Variants in STAT5B observed in about 807,000 individuals in gnomAD.
STAT5B encodes the protein transcription factor STAT5B.
STAT5B carries 21 observed loss-of-function variants against 107.8 expected under a neutral mutation model. The observed-to-expected ratio is 0.19, with a 90% CI of 0.14 to 0.28. The LOEUF is 0.28. Among genes scored for constraint, STAT5B ranks in the 10% least tolerant of loss-of-function variants. STAT5B has a pLI of 1.00. For missense variants in STAT5B, 565 were observed against 1,008.2 expected, an observed-to-expected ratio of 0.56 and a Z score of 5.95; for synonymous variants, 325 against 401.7, an observed-to-expected ratio of 0.81 and a Z score of 2.28.
rs60439745 is a variant in STAT5B at position 42,238,095 on chromosome 17, TATCCATCCATCCATCCATCCATCCATCC to T, written c.-10-5986_-10-5959del. Among the ~76,000 whole-genome samples, 12 of 141,102 alleles carry T rather than the reference TATCCATCCATCCATCCATCCATCCATCC, an allele frequency of 8.5e-5. No homozygotes were observed. In the East Asian group the frequency reaches 1.2e-3, roughly 15 times the overall value. 92.6% of individuals were successfully genotyped at this position (141,102 alleles called of 152,430 possible). A position where few individuals can be genotyped will look rare whatever the true frequency, so the allele number is the denominator to read the frequency against. ...CAATATCCTCCAGTATAAACTTTTC[TATCCATCCATCCATCCATCCATCCATCC>T]ATCCATCCATCCATCCATCCATCCA... On this transcript the variant is annotated intron_variant, in intron 1 of 18. Transcript: ENST00000293328.
intron 1 of STAT5B, among the ~76,000 whole-genome samples, chr17:42,264,462 G>T (rs565282501): frequency 6.7e-6 from 1 of 149,506 alleles, no homozygotes; most frequent in East Asian, 2.0e-4. Context: ...GTGGTGTTTG[G>T]TTTTTTGTTC....
intron 1 of STAT5B, among the ~76,000 whole-genome samples, chr17:42,252,737 G>T (rs1008440672): frequency 6.6e-6 from 1 of 152,098 alleles, no homozygotes; most frequent in African/African-American, 2.4e-5. Context: ...AAACATAATA[G>T]CAAGTTGTGC....
intron 2 of STAT5B, among the ~76,000 whole-genome samples, chr17:42,230,147 T>C (rs544817398): frequency 6.6e-6 from 1 of 152,296 alleles, no homozygotes; most frequent in African/African-American, 2.4e-5. Context: ...CTAATTTTTT[T>C]CCCTCACTTA....
At chr17:42,242,295 TAAAG>T (rs776004830) in intron 1 of STAT5B, among the ~76,000 whole-genome samples, 1 of 152,086 alleles carries the variant, frequency 6.6e-6, no homozygotes, top group Non-Finnish European at 1.5e-5. Context: ...ATCTCAAAAA[TAAAG>T]AGAGTAGACT....
At chr17:42,286,872 C>T in the STAT5B span, among the ~76,000 whole-genome samples, 1 of 152,208 alleles carries the variant, frequency 6.6e-6, no homozygotes, top group Admixed American at 6.5e-5. Flanking sequence ...CCTCTCTGGC[C>T]TTTGTTTTTC....
intron 3 of STAT5B, among the ~76,000 whole-genome samples, chr17:42,227,091 C>T (rs1211271956): frequency 6.6e-6 from 1 of 150,738 alleles, no homozygotes; most frequent in Non-Finnish European, 1.5e-5. Context: ...GCTGAGATTG[C>T]TCCACTGCAC....
chr17:42,210,560 T>C, intron 13 of STAT5B, 63 bp from the exon 14 acceptor site: 1 of 1,410,002 alleles, frequency 7.1e-7, no homozygotes, highest in Non-Finnish European at 1.0e-6. Flanking sequence ...ATTATACACA[T>C]ATTTAATTGG....
At chr17:42,262,632 G>C (rs951477548) in intron 1 of STAT5B, among the ~76,000 whole-genome samples, 2 of 151,408 alleles carry the variant, frequency 1.3e-5, no homozygotes, top group Non-Finnish European at 2.9e-5. Flanking sequence ...CCATGAAGGG[G>C]AAAAGCCAAT....
rs1398004614 is a variant in STAT5B, at chr17:42,217,120, C to A, written c.1380+40G>T. ...TGTAACATAAAGTACACCACACACACACACGCACACGCACACGCAGAGCTG... is the reference window on the plus strand; with the variant it reads ...TGTAACATAAAGTACACCACACACAAACACGCACACGCACACGCAGAGCTG... On this transcript the variant is annotated intron_variant, in intron 11 of 18. Coordinates refer to ENST00000293328, the MANE Select transcript of STAT5B (RefSeq NM_012448.4). 4 of 1,591,126 alleles carry A rather than the reference C, an allele frequency of 2.5e-6. No individual in the cohort carries two copies. In the Admixed American group the frequency reaches 7.0e-5, roughly 28 times the overall value.
chr17:42,246,587 G>A (rs185156271), intron 1 of STAT5B, among the ~76,000 whole-genome samples: 78 of 152,104 alleles, frequency 5.1e-4, no homozygotes, highest in Non-Finnish European at 8.5e-4. Context: ...TAAATAGAAC[G>A]AAATACACAG....
intron 1 of STAT5B, among the ~76,000 whole-genome samples, chr17:42,262,970 GTATATATATATATATATATATATATATA>G (rs869160306): frequency 1.3e-3 from 28 of 20,948 alleles, no homozygotes; most frequent in East Asian, 1.5e-3. Flanking sequence ...GTGTGTGTGT[GTATATATATATATATATATATATATATA>G]TATATATATA....
At chr17:42,253,805 T>C (rs1456245334) in intron 1 of STAT5B, among the ~76,000 whole-genome samples, 1 of 152,128 alleles carries the variant, frequency 6.6e-6, no homozygotes, top group Non-Finnish European at 1.5e-5. Context: ...CCTCCCAAAG[T>C]GCTGGGATTA....
At chr17:42,253,642 C>T (rs2080518007) in intron 1 of STAT5B, among the ~76,000 whole-genome samples, 1 of 152,124 alleles carries the variant, frequency 6.6e-6, no homozygotes. Context: ...CAACCATTTC[C>T]ACCTTTCCAA....
intron 1 of STAT5B, among the ~76,000 whole-genome samples, chr17:42,232,883 C>G (rs558615181): frequency 9.3e-5 from 14 of 149,982 alleles, no homozygotes; most frequent in African/African-American, 2.5e-4. Context: ...GCTCTGTTGC[C>G]CAGACTGGAG....
At chr17:42,230,170 TGA>T (rs1330532154) in intron 2 of STAT5B, among the ~76,000 whole-genome samples, 1 of 152,176 alleles carries the variant, frequency 6.6e-6, no homozygotes, top group Non-Finnish European at 1.5e-5. Flanking sequence ...TACATGAAGT[TGA>T]GTTTTTTTTT....
At chr17:42,238,688 T>G (rs544905591) in intron 1 of STAT5B, among the ~76,000 whole-genome samples, 110 of 151,444 alleles carry the variant, frequency 7.3e-4, no homozygotes, top group Middle Eastern at 3.5e-3. Flanking sequence ...TCTGACCTTG[T>G]GATCCACCCA....
Position 42,223,575 on chromosome 17 carries a change from C to A in STAT5B, c.376-19G>T. 1.2e-6 allele frequency: 2 copies of A among 1,612,222 alleles called. No homozygotes were observed. Among genetic ancestry groups the A allele is most frequent in the Non-Finnish European group, 1.7e-6 (2 of 1,178,532 alleles). On this transcript the variant is annotated intron_variant, in intron 4 of 18. Coordinates refer to ENST00000293328, the MANE Select transcript of STAT5B (RefSeq NM_012448.4). ...AGCTACCCTGGGAACATATGGGGGG[C>A]AGTGCAAGGCAGTGCGAATGGGAGG...
chr17:42,201,778 C>T lies in STAT5B; in HGVS notation c.2324G>A (p.Arg775Gln), dbSNP rs138115420. 3.0e-5 allele frequency: 48 copies of T among 1,614,108 alleles called. No individual in the cohort carries two copies. Among genetic ancestry groups the T allele is most frequent in the South Asian group, 2.3e-4 (21 of 91,082 alleles). Residue 775 changes from arginine (R) to glutamine (Q), a missense_variant, in exon 19 of 19, where the codon CGG becomes CAG. Arg to Gln is a conservative substitution (Grantham distance 43). Transcript: ENST00000293328. Reference protein sequence around the residue: ...VARRVEELLGRPMDSQWIPHA... With the variant: ...VARRVEELLGQPMDSQWIPHA... ...CGGGATCCACTGACTGTCCATTGGCCGGCCCAGGAGCTCCTCCACACGCCG... is the reference window on the plus strand; with the variant it reads ...CGGGATCCACTGACTGTCCATTGGCTGGCCCAGGAGCTCCTCCACACGCCG...
chr17:42,223,647 G>A (rs2080249563), intron 4 of STAT5B, 91 bp from the exon 5 acceptor site: 1 of 1,506,910 alleles, frequency 6.6e-7, no homozygotes, highest in African/African-American at 1.4e-5. Flanking sequence ...CTACAACCAG[G>A]GTAAGACCCC....
Sources: allele counts gnomAD v4.1 joint callset (sites outside exome capture counted in the v4.1 genomes callset), GRCh38; gene constraint gnomAD v4.1.1; transcripts MANE v1.5; gene names NCBI Gene and HGNC (gene_info 2026-07-23, HGNC 2026-07-21).